The following KCNS3 variants were observed in gnomAD, a reference collection of about 807,000 sequenced individuals.
KCNS3 encodes delayed-rectifier potassium channel regulatory subunit KCNS3.
A neutral mutation model predicts 31.0 loss-of-function variants in KCNS3; 13 were observed. The observed-to-expected ratio is 0.42, with a 90% CI of 0.27 to 0.67. KCNS3 has a LOEUF of 0.67. Among genes scored for constraint, KCNS3 ranks in the 30% least tolerant of loss-of-function variants. KCNS3 has a pLI of 0.25. For missense variants in KCNS3, 545 were observed against 622.4 expected (o/e 0.88, Z 1.32); for synonymous variants, 238 against 241.5 (o/e 0.99, Z 0.13).
chr2:17,908,898 T>G (rs1451349607), intron 1 of KCNS3, among the ~76,000 whole-genome samples: 6 of 152,190 alleles, frequency 3.9e-5, no homozygotes, highest in Non-Finnish European at 5.9e-5. Flanking sequence ...GATAGGCTGC[T>G]CGGGGGTCAG....
chr2:17,909,090 C>T (rs768405006), intron 1 of KCNS3, among the ~76,000 whole-genome samples: 99 of 152,234 alleles, frequency 6.5e-4, no homozygotes, highest in Non-Finnish European at 1.1e-3. Context: ...CCTCCTTGAG[C>T]TGCAGTGGGC....
chr2:17,905,682 T>G (rs1662297251), intron 1 of KCNS3, among the ~76,000 whole-genome samples: 1 of 152,252 alleles, frequency 6.6e-6, no homozygotes, highest in South Asian at 2.1e-4. Context: ...GGCTGTTGAA[T>G]TTTGTCAAAG....
chr2:17,924,548 G>A (rs1025241970), intron 2 of KCNS3, among the ~76,000 whole-genome samples: 1 of 151,932 alleles, frequency 6.6e-6, no homozygotes, highest in Non-Finnish European at 1.5e-5. Flanking sequence ...TAGTTTTTGA[G>A]TTTTTGTTTT....
intron 2 of KCNS3, among the ~76,000 whole-genome samples, chr2:17,929,146 A>G (rs1377662989): frequency 6.6e-6 from 1 of 152,138 alleles, no homozygotes; most frequent in East Asian, 1.9e-4. Context: ...GTCCTCCACA[A>G]TCTGGCTTCT....
Position 17,931,857 on chromosome 2 carries a change from G to A in KCNS3, c.849G>A (p.Glu283=). 6.2e-7 allele frequency: 1 copy of A among 1,614,176 alleles called. No individual in the cohort carries two copies. Among genetic ancestry groups the A allele is most frequent in the Non-Finnish European group, 8.5e-7 (1 of 1,180,034 alleles). The stretch of plus-strand genomic sequence containing the variant: ...AGGAGGAAGAGAGTGAGGATATTGA[G>A]AACATGGGCAAGGTGGTCCAGATCC... ...DTKEEESEDI[E]NMGKVVQILR... is the part of the protein sequence containing the mutation. Residue 283 remains glutamate (E), a synonymous_variant, in exon 3 of 3, where the codon GAG becomes GAA. Transcript: ENST00000304101. The surrounding 1 kb of genome is among the most constrained non-coding windows in gnomAD (Gnocchi z 5.4).
chr2:17,888,260 C>T (rs1661738670), intron 1 of KCNS3, among the ~76,000 whole-genome samples: 1 of 151,778 alleles, frequency 6.6e-6, no homozygotes, highest in Non-Finnish European at 1.5e-5. Context: ...TTGCCTAAGC[C>T]AATATCTAGA....
intron 1 of KCNS3, among the ~76,000 whole-genome samples, chr2:17,916,590 G>C (rs1662590987): frequency 6.6e-6 from 1 of 152,174 alleles, no homozygotes; most frequent in South Asian, 2.1e-4. Context: ...TGTGCTGAAG[G>C]ATTGCTCTGC....
At chr2:17,902,696 G>C (rs1662212007) in intron 1 of KCNS3, among the ~76,000 whole-genome samples, 1 of 152,160 alleles carries the variant, frequency 6.6e-6, no homozygotes, top group African/African-American at 2.4e-5. Flanking sequence ...ACAACTGTAG[G>C]TTAAGTCAAG....
chr2:17,921,428 A>G (rs933200397), intron 2 of KCNS3, among the ~76,000 whole-genome samples: 3 of 152,162 alleles, frequency 2.0e-5, no homozygotes, highest in African/African-American at 7.2e-5. Context: ...TAAGAACATA[A>G]TTATATTACT....
In KCNS3 at chr2:17,888,629, G is replaced by GTATATCTATATCTATATATA. The variant is rs35102585; in HGVS notation, c.-252+9828_-252+9829insCTATATCTATATATATATAT. 8.7e-5 allele frequency among the ~76,000 whole-genome samples: 8 copies of GTATATCTATATCTATATATA among 92,360 alleles called. 1 individual carries two copies. In the South Asian group the frequency reaches 1.2e-3, roughly 14 times the overall value. The allele number at this position is 92,360 out of a possible 152,430, so 60.6% of individuals were successfully genotyped here. Reference sequence around the variant, plus strand: ...GAACTTAAAGTATAATAAAAAAAATGTATATATATATATATATATATATAT... The same window carrying GTATATCTATATCTATATATA: ...GAACTTAAAGTATAATAAAAAAAATGTATATCTATATCTATATATATATATATATATATATATATATATAT... On this transcript the variant is annotated intron_variant, in intron 1 of 2. Coordinates refer to ENST00000304101, the MANE Select transcript of KCNS3 (RefSeq NM_002252.5).
intron 1 of KCNS3, among the ~76,000 whole-genome samples, chr2:17,905,323 T>A (rs2125242319): frequency 6.6e-6 from 1 of 152,356 alleles, no homozygotes; most frequent in Admixed American, 6.5e-5. Context: ...ATCCTGAGAC[T>A]TTGCTGAAGT....
rs1017566227 is a variant in KCNS3 at position 17,880,908 on chromosome 2, G to C, written c.-252+2102G>C. 3.2e-4 allele frequency among the ~76,000 whole-genome samples: 48 copies of C among 152,128 alleles called. 1 individual carries two copies. Among genetic ancestry groups the C allele is most frequent in the Admixed American group, 6.5e-5 (1 of 15,272 alleles). On this transcript the variant is annotated intron_variant, in intron 1 of 2. Transcript: ENST00000304101. ...TCTGTTCTACCACCCATCTCAATCT[G>C]CCCTGTGTCTGGCATTTGCCATTGG...
At chr2:17,929,002 T>C (rs11675993) in intron 2 of KCNS3, among the ~76,000 whole-genome samples, 8,795 of 152,338 alleles carry the variant, frequency 0.058, 333 homozygotes, top group South Asian at 0.14. Flanking sequence ...TGGTCCCAGC[T>C]TTTGCCCCGT....
intron 1 of KCNS3, among the ~76,000 whole-genome samples, chr2:17,888,170 A>G (rs1661737335): frequency 6.6e-6 from 1 of 152,004 alleles, no homozygotes. Flanking sequence ...GCCATGTGAA[A>G]GCTCTTTAGT....
At chr2:17,899,101 C>G (rs189956117) in intron 1 of KCNS3, among the ~76,000 whole-genome samples, 16 of 152,200 alleles carry the variant, frequency 1.1e-4, no homozygotes, top group South Asian at 1.0e-3. Context: ...TGGAGCACAC[C>G]TGTATTCCCA....
intron 2 of KCNS3, among the ~76,000 whole-genome samples, chr2:17,922,908 A>G (rs530704603): frequency 3.3e-4 from 50 of 152,286 alleles, no homozygotes; most frequent in Admixed American, 2.6e-3. Flanking sequence ...TGCTACGAAC[A>G]TTACATACAG....
At chr2:17,907,731 CTGGATAT>C (rs1662370231) in intron 1 of KCNS3, among the ~76,000 whole-genome samples, 2 of 152,030 alleles carry the variant, frequency 1.3e-5, no homozygotes, top group Admixed American at 1.3e-4. Context: ...CTTAGTTTGG[CTGGATAT>C]GAAATTCTGG....
chr2:17,923,626 A>G (rs1219154303), intron 2 of KCNS3, among the ~76,000 whole-genome samples: 2 of 151,772 alleles, frequency 1.3e-5, no homozygotes, highest in African/African-American at 2.4e-5. Context: ...CAGGCCTTTG[A>G]TGTATTTAAA....
At chr2:17,926,752 C>T (rs1452325380) in intron 2 of KCNS3, among the ~76,000 whole-genome samples, 1 of 152,224 alleles carries the variant, frequency 6.6e-6, no homozygotes, top group African/African-American at 2.4e-5. Flanking sequence ...AACTTTTTTC[C>T]TCCAGGCTTC....
Sources: gnomAD v4.1 joint callset for allele counts (sites outside exome capture counted in the v4.1 genomes callset) on GRCh38, gnomAD v4.1.1 for gene constraint, Gnocchi (gnomAD v3.1) non-coding constraint, MANE v1.5 for transcripts, NCBI Gene and HGNC (gene_info 2026-07-23, HGNC 2026-07-21) for gene names.